Variants in HTD2 observed in about 807,000 individuals in gnomAD.
HTD2 encodes hydroxyacyl-thioester dehydratase type 2, also known as hydroxyacyl-thioester dehydratase type 2, mitochondrial.
In HTD2, 1 loss-of-function variant was observed where a neutral mutation model predicts 3.1. The observed-to-expected ratio is 0.32, with a 90% CI of 0.11 to 1.52. The LOEUF (loss-of-function observed/expected upper bound fraction) is 1.52. Among genes scored for constraint, HTD2 ranks in the 40% most tolerant of loss-of-function variants. The pLI is 0.39. For missense variants in HTD2, 150 were observed against 79.6 expected (o/e 1.88, Z -3.36); for synonymous variants, 50 against 28.9 (o/e 1.73, Z -2.34).
intron 1 of HTD2, chr3:58,310,106 A>G (rs2097480476): frequency 7.3e-6 from 4 of 544,526 alleles, no homozygotes; most frequent in Non-Finnish European, 1.3e-5. Flanking sequence ...AGTCTGAGGC[A>G]GGAGGATCAC....
At chr3:58,316,432 A>G (rs1338236448) in intron 2 of HTD2, 83 bp from the exon 3 acceptor site, 9 of 1,305,418 alleles carry the variant, frequency 6.9e-6, no homozygotes, top group Middle Eastern at 1.8e-4. Flanking sequence ...AGAAAAGCTC[A>G]AAACTCATTT....
rs1156516938 is a variant in HTD2, at chr3:58,319,571, C to G, written c.*1451C>G. On this transcript the variant is annotated 3_prime_UTR_variant, in exon 5 of 5. Transcript: ENST00000461393. The stretch of plus-strand genomic sequence containing the variant: ...AAGTACAGTTTCTGTTATAAAAGTT[C>G]AGATTATTCCTTGAAAATTTGGATC... 6.6e-6 allele frequency: 1 copy of G among 151,632 alleles called. No individual in the cohort carries two copies. Among genetic ancestry groups the G allele is most frequent in the African/African-American group, 2.4e-5 (1 of 41,204 alleles). 9.4% of individuals were successfully genotyped at this position (151,632 alleles called of 1,614,324 possible).
Position 58,317,553 on chromosome 3 carries a change from C to A in HTD2, c.-61C>A. ...CCACTCTCATATTTATTTTTTGGTG[C>A]CTGCATGTTTGAAGACTGAAGCAGG... On this transcript the variant is annotated 5_prime_UTR_variant, in exon 5 of 5. The change creates a premature stop within an existing upstream ORF in the 5' untranslated region. Transcript: ENST00000461393. 2 of 1,205,804 alleles carry A rather than the reference C, an allele frequency of 1.7e-6. No individual in the cohort carries two copies. Among genetic ancestry groups the A allele is most frequent in the Non-Finnish European group, 2.4e-6 (2 of 821,594 alleles). 74.7% of individuals were successfully genotyped at this position (1,205,804 alleles called of 1,614,324 possible).
At chr3:58,307,270 C>T (rs2097476355) in intron 1 of HTD2, among the ~76,000 whole-genome samples, 1 of 152,196 alleles carries the variant, frequency 6.6e-6, no homozygotes, top group African/African-American at 2.4e-5. Flanking sequence ...CTGGATAAAA[C>T]GGGAACCATA....
intron 2 of HTD2, among the ~76,000 whole-genome samples, chr3:58,315,315 A>G (rs80214063): frequency 0.017 from 2,516 of 152,108 alleles, 74 homozygotes; most frequent in African/African-American, 0.058. Flanking sequence ...GTTTCCATTT[A>G]TAGAAGACTC....
intron 2 of HTD2, among the ~76,000 whole-genome samples, chr3:58,313,304 G>A (rs1559794455): frequency 6.6e-6 from 1 of 152,014 alleles, no homozygotes; most frequent in Admixed American, 6.6e-5. Flanking sequence ...AACTAAACAT[G>A]GTGATTAATG....
chr3:58,313,115 C>T (rs533025957), intron 2 of HTD2, among the ~76,000 whole-genome samples: 11 of 151,262 alleles, frequency 7.3e-5, no homozygotes, highest in Admixed American at 2.6e-4. Flanking sequence ...CACAAAAAGC[C>T]GGGCGCAGCG....
rs900410156 is a variant in HTD2 at position 58,310,654 on chromosome 3, C to T, written c.-331+63C>T. On this transcript the variant is annotated intron_variant, in intron 2 of 4. Coordinates refer to ENST00000461393, the MANE Select transcript of HTD2 (RefSeq NM_001348712.2). Reference sequence around the variant, plus strand: ...CTTTGTAAGAAATACAGAAAGAGGCCGGGCGCGGTAGCTCACGCCTGTAAT... The same window carrying T: ...CTTTGTAAGAAATACAGAAAGAGGCTGGGCGCGGTAGCTCACGCCTGTAAT... The T allele has an allele frequency of 4.3e-5, 61 of 1,432,846 alleles. No homozygotes were observed. In the East Asian group the frequency reaches 1.1e-3, roughly 25 times the overall value. 88.8% of individuals were successfully genotyped at this position (1,432,846 alleles called of 1,614,324 possible).
At chr3:58,311,228 C>T (rs1236472952) in intron 2 of HTD2, among the ~76,000 whole-genome samples, 1 of 152,110 alleles carries the variant, frequency 6.6e-6, no homozygotes, top group African/African-American at 2.4e-5. Flanking sequence ...ATTCTTGGCT[C>T]ACTGCAGCCT....
Position 58,319,811 on chromosome 3 carries a change from G to A in HTD2, c.*1691G>A, listed in dbSNP as rs984287347. 1.8e-4 allele frequency: 27 copies of A among 151,690 alleles called. No individual in the cohort carries two copies. The highest frequency in any genetic ancestry group is 6.1e-4 in the African/African-American group (25 of 41,264). The allele number at this position is 151,690 out of a possible 1,614,324, so 9.4% of individuals were successfully genotyped here. A position where few individuals can be genotyped will look rare whatever the true frequency, so the allele number is the denominator to read the frequency against. On this transcript the variant is annotated 3_prime_UTR_variant, in exon 5 of 5. Transcript: ENST00000461393. ...TGTTTCCCATTTTTTTTTGTTTCCC[G>A]TTTTTTAATAAAATTGAGATATAAT...
chr3:58,306,480 G>A (rs1384120571), upstream of HTD2: 1 of 152,282 alleles, frequency 6.6e-6, no homozygotes, highest in Admixed American at 6.5e-5. Context: ...GCCGCGACCC[G>A]GGCGCATGCG....
intron 2 of HTD2, among the ~76,000 whole-genome samples, chr3:58,313,996 T>G (rs1420284108): frequency 6.6e-6 from 1 of 152,206 alleles, no homozygotes; most frequent in Admixed American, 6.5e-5. Context: ...AGGCTGGCTG[T>G]GGTAAACTAT....
intron 2 of HTD2, among the ~76,000 whole-genome samples, chr3:58,313,063 AC>A (rs1422010313): frequency 6.6e-6 from 1 of 151,792 alleles, no homozygotes; most frequent in Non-Finnish European, 1.5e-5. Context: ...GCCGATCAAG[AC>A]CATCCTGGCT....
intron 2 of HTD2, among the ~76,000 whole-genome samples, chr3:58,313,063 A>G (rs1296926195): frequency 6.6e-6 from 1 of 151,792 alleles, no homozygotes; most frequent in Non-Finnish European, 1.5e-5. Context: ...GCCGATCAAG[A>G]CCATCCTGGC....
At chr3:58,314,637 TAAA>T (rs1193898724) in intron 2 of HTD2, among the ~76,000 whole-genome samples, 1 of 149,310 alleles carries the variant, frequency 6.7e-6, no homozygotes, top group Non-Finnish European at 1.5e-5. Flanking sequence ...AGTGAGTATG[TAAA>T]ATGGTGCAGC....
chr3:58,310,703 G>T lies in HTD2; in HGVS notation c.-331+112G>T, dbSNP rs149120037. On this transcript the variant is annotated intron_variant, in intron 2 of 4. Transcript: ENST00000461393. Reference sequence around the variant, plus strand: ...ATCCCAGCACTTTGGAGGCCGAGGTGGGCAGATCATGAGGTCAAGAGATCG... The same window carrying T: ...ATCCCAGCACTTTGGAGGCCGAGGTTGGCAGATCATGAGGTCAAGAGATCG... 578 of 814,498 alleles carry T rather than the reference G, an allele frequency of 7.1e-4. No individual in the cohort carries two copies. In the African/African-American group the frequency reaches 8.7e-3, roughly 12 times the overall value. The allele number at this position is 814,498 out of a possible 1,614,324, so 50.5% of individuals were successfully genotyped here.
rs2097489486 is a variant in HTD2, at chr3:58,317,460, A to G, written c.-154A>G. On this transcript the variant is annotated 5_prime_UTR_variant, in exon 5 of 5. Transcript: ENST00000461393. ...TCTAGGTTTCTCCATTTCTTCTTGC[A>G]TTATCTGGTAATAGTAGGGAACTAG... The G allele has an allele frequency of 4.4e-6, 7 of 1,601,730 alleles. No individual in the cohort carries two copies. Among genetic ancestry groups the G allele is most frequent in the Middle Eastern group, 1.7e-4 (1 of 6,056 alleles).
In HTD2 at chr3:58,314,765, A is replaced by G. The variant is rs372956103; in HGVS notation, c.-330-1750A>G. 1.6e-3 allele frequency among the ~76,000 whole-genome samples: 219 copies of G among 140,898 alleles called. 2 individuals carry two copies. Among genetic ancestry groups the G allele is most frequent in the African/African-American group, 5.1e-3 (193 of 37,914 alleles). The allele number at this position is 140,898 out of a possible 152,430, so 92.4% of individuals were successfully genotyped here. A position where few individuals can be genotyped will look rare whatever the true frequency, so the allele number is the denominator to read the frequency against. ...AGTGGCACAATCTTGGCTCACTGCAACCTCCGCCTCCCAGGTTCAGGCGAT... is the reference window on the plus strand; with the variant it reads ...AGTGGCACAATCTTGGCTCACTGCAGCCTCCGCCTCCCAGGTTCAGGCGAT... On this transcript the variant is annotated intron_variant, in intron 2 of 4. Transcript: ENST00000461393.
At chr3:58,312,831 C>T (rs1028196122) in intron 2 of HTD2, among the ~76,000 whole-genome samples, 46 of 151,976 alleles carry the variant, frequency 3.0e-4, no homozygotes, top group Non-Finnish European at 5.9e-4. Context: ...CATGGTGGCG[C>T]ACGCTTGTAG....
Sources: allele counts gnomAD v4.1 joint callset (sites outside exome capture counted in the v4.1 genomes callset), GRCh38; gene constraint gnomAD v4.1.1; transcripts MANE v1.5; gene names NCBI Gene and HGNC (gene_info 2026-07-23, HGNC 2026-07-21).